LARGE1: variants seen among roughly 807,000 people sequenced by gnomAD.
The protein encoded by LARGE1 is xylosyl- and glucuronyltransferase LARGE1.
LARGE1 carries 43 observed loss-of-function variants against 87.6 expected under a neutral mutation model. The ratio of observed to expected loss-of-function variants is 0.49; its 90% CI spans 0.38 to 0.63. LARGE1 has a LOEUF of 0.63. Among genes scored for constraint, LARGE1 ranks in the 30% least tolerant of loss-of-function variants. The pLI, the probability that LARGE1 is intolerant of heterozygous loss-of-function variation, is 0.00. For synonymous variants in LARGE1, 434 were observed against 394.6 expected, an observed-to-expected ratio of 1.10 and a Z score of -1.18; for missense variants, 802 against 1,000.2, an observed-to-expected ratio of 0.80 and a Z score of 2.67.
At chr22:33,376,497 CAG>C (rs1447642540) in intron 9 of LARGE1, among the ~76,000 whole-genome samples, 1 of 152,154 alleles carries the variant, frequency 6.6e-6, no homozygotes, top group African/African-American at 2.4e-5. Flanking sequence ...ATGCCATCAC[CAG>C]AGACATTCAA....
chr22:33,597,953 T>A (rs992749468), intron 5 of LARGE1, among the ~76,000 whole-genome samples: 1 of 152,138 alleles, frequency 6.6e-6, no homozygotes, highest in Non-Finnish European at 1.5e-5. Flanking sequence ...ATCCCCCTCC[T>A]CAGCAGCATC....
chr22:33,848,907 A>T (rs1366947075), intron 1 of LARGE1, among the ~76,000 whole-genome samples: 1 of 152,104 alleles, frequency 6.6e-6, no homozygotes, highest in East Asian at 1.9e-4. Flanking sequence ...CGAAAAGGCT[A>T]ATTGCACAAT....
intron 6 of LARGE1, among the ~76,000 whole-genome samples, chr22:33,474,248 C>T (rs1322146118): frequency 6.6e-6 from 1 of 152,190 alleles, no homozygotes; most frequent in African/African-American, 2.4e-5. Context: ...ACTGCAACCT[C>T]CGCCTCCCAG....
intron 6 of LARGE1, among the ~76,000 whole-genome samples, chr22:33,525,749 G>T (rs996222806): frequency 6.6e-6 from 1 of 152,176 alleles, no homozygotes; most frequent in African/African-American, 2.4e-5. Flanking sequence ...TTCATCACCT[G>T]TGTTTCACCT....
chr22:33,774,323 A>C (rs1455934970), intron 1 of LARGE1, among the ~76,000 whole-genome samples: 1 of 151,126 alleles, frequency 6.6e-6, no homozygotes, highest in African/African-American at 2.5e-5. Flanking sequence ...AAAAAGGGTT[A>C]AAAAAAATAG....
At chr22:33,600,923 G>A (rs1262046728) in intron 5 of LARGE1, among the ~76,000 whole-genome samples, 2 of 152,026 alleles carry the variant, frequency 1.3e-5, no homozygotes, top group African/African-American at 4.8e-5. Flanking sequence ...AAATTAGCTG[G>A]GCCTGGTAGT....
intron 1 of LARGE1, among the ~76,000 whole-genome samples, chr22:33,857,318 G>A (rs1254517241): frequency 1.3e-5 from 2 of 152,144 alleles, no homozygotes; most frequent in Non-Finnish European, 2.9e-5. Context: ...TCAAGGGCAG[G>A]AGAAAAAAAT....
At chr22:33,317,970 C>G (rs1337051312) in intron 10 of LARGE1, among the ~76,000 whole-genome samples, 1 of 151,412 alleles carries the variant, frequency 6.6e-6, no homozygotes, top group Non-Finnish European at 1.5e-5. Flanking sequence ...GGCACGGTGG[C>G]TCACGCCTGT....
chr22:33,723,928 G>A (rs2087560529), intron 2 of LARGE1: 1 of 152,354 alleles, frequency 6.6e-6, no homozygotes, highest in Non-Finnish European at 1.5e-5. Context: ...CAAACTTGGA[G>A]CTAGTGCCCA....
chr22:33,192,348 TCTTCATAATCA>T (rs1443405324), intron 11 of LARGE1, among the ~76,000 whole-genome samples: 2 of 152,222 alleles, frequency 1.3e-5, no homozygotes, highest in Admixed American at 6.5e-5. Flanking sequence ...AAAAGAACTT[TCTTCATAATCA>T]CCATCCCAGG....
chr22:33,605,201 C>T (rs2079219364), intron 4 of LARGE1, among the ~76,000 whole-genome samples: 1 of 152,070 alleles, frequency 6.6e-6, no homozygotes, highest in Non-Finnish European at 1.5e-5. Context: ...GTGGCCAGAA[C>T]TCAGACCAAA....
intron 2 of LARGE1, among the ~76,000 whole-genome samples, chr22:33,706,492 A>G (rs1357034435): frequency 6.6e-6 from 1 of 152,122 alleles, no homozygotes; most frequent in East Asian, 1.9e-4. Context: ...TCAAGTCCCA[A>G]CTCGGCCCAT....
chr22:33,829,361 G>C (rs1434006603), intron 1 of LARGE1, among the ~76,000 whole-genome samples: 2 of 151,866 alleles, frequency 1.3e-5, no homozygotes, highest in East Asian at 1.9e-4. Context: ...GCATGGCCCA[G>C]AGAGCCTCTG....
intron 6 of LARGE1, among the ~76,000 whole-genome samples, chr22:33,559,712 A>T (rs1010534042): frequency 3.9e-5 from 6 of 151,930 alleles, no homozygotes; most frequent in Admixed American, 6.6e-5. Flanking sequence ...CATCAGGGTG[A>T]TCCTGCCTTA....
intron 11 of LARGE1, among the ~76,000 whole-genome samples, chr22:33,190,544 T>A (rs1468455140): frequency 6.6e-6 from 1 of 152,118 alleles, no homozygotes; most frequent in Non-Finnish European, 1.5e-5. Flanking sequence ...AAAACCAAAG[T>A]GGTACACACT....
Position 33,364,867 on chromosome 22 carries a change from T to TC in LARGE1, c.1131+17051_1131+17052insG, listed in dbSNP as rs35609100. 4.6e-5 allele frequency among the ~76,000 whole-genome samples: 7 copies of TC among 152,022 alleles called. No individual in the cohort carries two copies. In the South Asian group the frequency reaches 1.3e-3, roughly 27 times the overall value. On this transcript the variant is annotated intron_variant, in intron 9 of 14. Coordinates refer to ENST00000397394, the MANE Select transcript of LARGE1 (RefSeq NM_133642.5). ...ACATGCCACCATGCCGGCTAATTTT[T>TC]TATTTTTTGTAGAGACGGGGGTCTT...
At chr22:33,659,466 CT>C (rs1437994391) in intron 2 of LARGE1, among the ~76,000 whole-genome samples, 4 of 152,150 alleles carry the variant, frequency 2.6e-5, no homozygotes, top group Admixed American at 2.6e-4. Flanking sequence ...GTGTCATCAG[CT>C]TTTCTTTTCT....
intron 6 of LARGE1, among the ~76,000 whole-genome samples, chr22:33,533,706 T>TAA (rs1270207484): frequency 6.6e-6 from 1 of 152,204 alleles, no homozygotes; most frequent in Non-Finnish European, 1.5e-5. Flanking sequence ...ACCTAGATGG[T>TAA]AAACTGCCCC....
chr22:33,247,374 A>C (rs1485994548), intron 11 of LARGE1, among the ~76,000 whole-genome samples: 2 of 152,234 alleles, frequency 1.3e-5, no homozygotes, highest in East Asian at 3.9e-4. Flanking sequence ...AGAATGTCTT[A>C]AGAAGACCAA....
Sources: allele counts gnomAD v4.1 joint callset (sites outside exome capture counted in the v4.1 genomes callset), GRCh38; gene constraint gnomAD v4.1.1; transcripts MANE v1.5; gene names NCBI Gene and HGNC (gene_info 2026-07-23, HGNC 2026-07-21).